RPIA: variants seen among roughly 807,000 people sequenced by gnomAD.
RPIA encodes ribose 5-phosphate isomerase A.
Under a neutral mutation model 37.8 loss-of-function variants are expected in RPIA, and 29 were observed. That is an observed-to-expected ratio of 0.77 (90% CI 0.57 to 1.05). The LOEUF (loss-of-function observed/expected upper bound fraction) is 1.05. Ranked by LOEUF, RPIA falls within the 50% of genes least tolerant of loss-of-function variation. The pLI is 0.00. For synonymous variants in RPIA, 167 were observed against 157.0 expected (o/e 1.06, Z -0.48); for missense variants, 385 against 413.6 (o/e 0.93, Z 0.60).
Position 88,702,077 on chromosome 2 carries a change from T to A in RPIA, c.402+2013T>A, listed in dbSNP as rs568229131. On this transcript the variant is annotated intron_variant, in intron 3 of 8. Coordinates refer to ENST00000283646, the MANE Select transcript of RPIA (RefSeq NM_144563.3). The stretch of plus-strand genomic sequence containing the variant: ...GTACTTTATGATATCTTTGCATTTA[T>A]AACTGTAATTAGCTGATGATTTATA... Among the ~76,000 whole-genome samples the A allele has an allele frequency of 3.3e-5, 5 of 152,384 alleles. No homozygotes were observed. In the South Asian group the frequency reaches 8.3e-4, roughly 25 times the overall value.
chr2:88,727,820 CAGCATATAT>C (rs1359736457), intron 3 of RPIA, among the ~76,000 whole-genome samples: 2 of 152,134 alleles, frequency 1.3e-5, no homozygotes, highest in African/African-American at 4.8e-5. Context: ...TTTTCCTTTT[CAGCATATAT>C]TTCTCTTTGA....
At chr2:88,744,797 A>G (rs2104148327) in intron 8 of RPIA, among the ~76,000 whole-genome samples, 1 of 152,244 alleles carries the variant, frequency 6.6e-6, no homozygotes, top group Non-Finnish European at 1.5e-5. Flanking sequence ...ATTTTGTCTC[A>G]TAGAAGAATA....
intron 8 of RPIA, among the ~76,000 whole-genome samples, chr2:88,745,798 G>A (rs1311376636): frequency 1.3e-5 from 2 of 152,140 alleles, no homozygotes; most frequent in African/African-American, 2.4e-5. Context: ...TGTTCTTCAA[G>A]CATTTTTATT....
At chr2:88,697,359 T>G (rs916939991) in intron 1 of RPIA, among the ~76,000 whole-genome samples, 1 of 152,278 alleles carries the variant, frequency 6.6e-6, no homozygotes, top group African/African-American at 2.4e-5. Flanking sequence ...ATAAGTCTTC[T>G]TGGTAGGTGC....
chr2:88,742,693 C>T (rs960383135), intron 8 of RPIA, among the ~76,000 whole-genome samples: 2 of 151,944 alleles, frequency 1.3e-5, no homozygotes, highest in African/African-American at 4.8e-5. Context: ...TGGGATGTGT[C>T]CCATTTGTGT....
At chr2:88,707,731 G>A (rs1672914580) in intron 3 of RPIA, among the ~76,000 whole-genome samples, 1 of 152,212 alleles carries the variant, frequency 6.6e-6, no homozygotes, top group African/African-American at 2.4e-5. Context: ...AGGCACATAA[G>A]CTGCAGCTAA....
At chr2:88,717,646 C>T (rs1406668099) in intron 3 of RPIA, among the ~76,000 whole-genome samples, 12 of 152,058 alleles carry the variant, frequency 7.9e-5, no homozygotes, top group South Asian at 4.2e-4. Flanking sequence ...TTTGGGGCCC[C>T]AAGATTTATT....
chr2:88,749,508 G>C (rs1376846275), intron 8 of RPIA, among the ~76,000 whole-genome samples: 1 of 152,154 alleles, frequency 6.6e-6, no homozygotes, highest in Non-Finnish European at 1.5e-5. Context: ...TCCTTTGTCA[G>C]GTATATGCTT....
At chr2:88,711,860 C>G (rs1393515158) in intron 3 of RPIA, among the ~76,000 whole-genome samples, 1 of 152,162 alleles carries the variant, frequency 6.6e-6, no homozygotes, top group Non-Finnish European at 1.5e-5. Flanking sequence ...TCTGTTTTAG[C>G]TGGGAGTGGT....
At chr2:88,692,531 T>G (rs903011131) in intron 1 of RPIA, among the ~76,000 whole-genome samples, 4 of 152,130 alleles carry the variant, frequency 2.6e-5, no homozygotes, top group African/African-American at 9.7e-5. Context: ...GTGGACTAAG[T>G]CTGGAGGATG....
chr2:88,697,235 T>C (rs1672760558), intron 1 of RPIA, among the ~76,000 whole-genome samples: 1 of 152,246 alleles, frequency 6.6e-6, no homozygotes, highest in Admixed American at 6.5e-5. Flanking sequence ...TCTCTTTTGC[T>C]CATTTCAAAG....
chr2:88,713,120 A>ATATATATATATATATTT (rs1041923467), intron 3 of RPIA, among the ~76,000 whole-genome samples: 1 of 65,294 alleles, frequency 1.5e-5, no homozygotes, highest in African/African-American at 7.9e-5. Flanking sequence ...ATATATATAT[A>ATATATATATATATATTT]TTTTTTTTTT....
chr2:88,696,495 T>C (rs1285359379), intron 1 of RPIA, among the ~76,000 whole-genome samples: 6 of 149,218 alleles, frequency 4.0e-5, no homozygotes, highest in Admixed American at 2.6e-4. Context: ...AGTTTGTGTG[T>C]GTGTGGGGGG....
chr2:88,700,532 G>T (rs78991614), intron 3 of RPIA, among the ~76,000 whole-genome samples: 20 of 152,238 alleles, frequency 1.3e-4, no homozygotes, highest in African/African-American at 4.6e-4. Flanking sequence ...TGTACCTGTA[G>T]TTCCAACTAT....
chr2:88,695,230 A>G (rs892105189), intron 1 of RPIA, among the ~76,000 whole-genome samples: 1 of 152,212 alleles, frequency 6.6e-6, no homozygotes, highest in African/African-American at 2.4e-5. Context: ...ATCAAACCCA[A>G]AGAGAGTGTT....
intron 1 of RPIA, among the ~76,000 whole-genome samples, chr2:88,694,557 A>C (rs1201758241): frequency 1.3e-5 from 2 of 152,256 alleles, no homozygotes; most frequent in South Asian, 4.1e-4. Context: ...GTTTTTATCC[A>C]TGGCTCTTGG....
In RPIA at chr2:88,749,968, C is replaced by G. The variant is rs763998933; in HGVS notation, c.839-13C>G. 6.3e-7 allele frequency: 1 copy of G among 1,599,328 alleles called. No individual in the cohort carries two copies. The highest frequency in any genetic ancestry group is 1.3e-5 in the African/African-American group (1 of 74,622). ...GGCTGAAACAATGTTTCTTTCTGTC[C>G]TTTGTCCTGCAGGTGTGGTGGACAC... On this transcript the variant is annotated splice_polypyrimidine_tract_variant and intron_variant, in intron 8 of 8. Transcript: ENST00000283646.
intron 3 of RPIA, among the ~76,000 whole-genome samples, chr2:88,727,384 C>G (rs1446567912): frequency 6.6e-6 from 1 of 152,188 alleles, no homozygotes; most frequent in African/African-American, 2.4e-5. Context: ...AGGATGGTTT[C>G]TCTAATACTA....
At chr2:88,706,180 T>C (rs951253575) in intron 3 of RPIA, among the ~76,000 whole-genome samples, 5 of 152,168 alleles carry the variant, frequency 3.3e-5, no homozygotes, top group African/African-American at 9.7e-5. Context: ...GAAATATCAT[T>C]TGACTCAGCA....
Sources: allele counts gnomAD v4.1 joint callset (sites outside exome capture counted in the v4.1 genomes callset), GRCh38; gene constraint gnomAD v4.1.1; transcripts MANE v1.5; gene names NCBI Gene and HGNC (gene_info 2026-07-23, HGNC 2026-07-21).